SRPRA: variants seen among roughly 807,000 people sequenced by gnomAD.
SRPRA encodes signal recognition particle receptor subunit alpha.
In SRPRA, 30 loss-of-function variants were observed where a neutral mutation model predicts 61.1. That is an observed-to-expected ratio of 0.49 (90% CI 0.37 to 0.67). SRPRA has a LOEUF of 0.67. Ranked by LOEUF, SRPRA falls within the 30% of genes least tolerant of loss-of-function variation. SRPRA has a pLI of 0.00. For missense variants in SRPRA, 759 were observed against 828.4 expected (o/e 0.92, Z 1.03); for synonymous variants, 324 against 299.7 (o/e 1.08, Z -0.84).
At position 126,267,353 on chromosome 11, in the gene SRPRA, T is replaced by C. The variant is rs767061202; in HGVS notation, c.366-18A>G. ...CTGCTTCACTAAACAAAAAGGAGAATGGTTTATCTTTCTACCCCATGCAGA... is the reference window on the plus strand; with the variant it reads ...CTGCTTCACTAAACAAAAAGGAGAACGGTTTATCTTTCTACCCCATGCAGA... On this transcript the variant is annotated intron_variant, in intron 3 of 13. Transcript: ENST00000332118. This position sits in a 1 kb window ranked among gnomAD's most constrained non-coding sequence, Gnocchi z 4.2. 1.2e-6 allele frequency: 2 copies of C among 1,612,584 alleles called. No homozygotes were observed. The highest frequency in any genetic ancestry group is 1.7e-5 in the Admixed American group (1 of 59,692).
In SRPRA at chr11:126,268,877, C is replaced by A; in HGVS notation, c.-73G>T. 7.8e-7 allele frequency: 1 copy of A among 1,284,600 alleles called. No individual in the cohort carries two copies. Among genetic ancestry groups the A allele is most frequent in the Non-Finnish European group, 1.1e-6 (1 of 888,310 alleles). 79.6% of individuals were successfully genotyped at this position (1,284,600 alleles called of 1,614,324 possible). On this transcript the variant is annotated 5_prime_UTR_variant, in exon 1 of 14. Coordinates refer to ENST00000332118, the MANE Select transcript of SRPRA (RefSeq NM_003139.4). ...CGTTCGCCGCCGCTTCCTGCTGCGC[C>A]AAGCGCGGGACACGTCACACCAGTG...
At chr11:126,241,190 T>C in the SRPRA span, 3 of 842,704 alleles carry the variant, frequency 3.6e-6, no homozygotes, top group South Asian at 5.9e-5. Flanking sequence ...CATTTGACTC[T>C]TCTGCGCAAT....
the SRPRA span, chr11:126,256,949 A>C: frequency 7.7e-7 from 1 of 1,306,398 alleles, no homozygotes. This position sits in a 1 kb window ranked among gnomAD's most constrained non-coding sequence, Gnocchi z 6.6. Context: ...TGCCAAGATG[A>C]GGAATGTAAT....
downstream of SRPRA, among the ~76,000 whole-genome samples, chr11:126,257,982 T>C (rs1391070704): frequency 6.6e-6 from 1 of 152,196 alleles, no homozygotes; most frequent in Non-Finnish European, 1.5e-5. Flanking sequence ...AAACCTCACA[T>C]TGCCAGGCTC....
At chr11:126,238,960 T>C in the SRPRA span, among the ~76,000 whole-genome samples, 90 of 151,822 alleles carry the variant, frequency 5.9e-4, no homozygotes, top group African/African-American at 2.1e-3. Context: ...TGTTTTATTT[T>C]TAAGTGGAAG....
Position 126,266,929 on chromosome 11 carries a change from G to C in SRPRA, c.527-7C>G. The C allele has an allele frequency of 6.2e-7, 1 of 1,607,754 alleles. No homozygotes were observed. Reference sequence around the variant, plus strand: ...GCCAAAGGACCATCAGAACCTGTTGGGGAAAAAACTCACTGAAGAAAAAAG... The same window carrying C: ...GCCAAAGGACCATCAGAACCTGTTGCGGAAAAAACTCACTGAAGAAAAAAG... On this transcript the variant is annotated splice_polypyrimidine_tract_variant and splice_region_variant and intron_variant, in intron 4 of 13. Transcript: ENST00000332118.
chr11:126,236,801 C>T, the SRPRA span, among the ~76,000 whole-genome samples: 10 of 148,692 alleles, frequency 6.7e-5, no homozygotes, highest in South Asian at 4.3e-4. Context: ...TTAGCTTTCT[C>T]GGGGGTTCTC....
At chr11:126,268,136 G>A (rs750184303) in intron 1 of SRPRA, 50 bp from the exon 2 acceptor site, 2 of 1,557,332 alleles carry the variant, frequency 1.3e-6, no homozygotes, top group Non-Finnish European at 1.8e-6. Context: ...GAAAACCCAG[G>A]TTTGGGCCCT....
chr11:126,262,158 T>A (rs1950714878), downstream of SRPRA: 3 of 1,613,248 alleles, frequency 1.9e-6, no homozygotes, highest in African/African-American at 4.0e-5. Context: ...TCACCACCGT[T>A]TAGACCAAGC....
chr11:126,258,808 A>G (rs1950623663), downstream of SRPRA, among the ~76,000 whole-genome samples: 1 of 152,256 alleles, frequency 6.6e-6, no homozygotes, highest in African/African-American at 2.4e-5. Context: ...ATCCGTCTGC[A>G]TAACTGTTTC....
At chr11:126,256,920 A>T in the SRPRA span, 1 of 1,458,550 alleles carries the variant, frequency 6.9e-7, no homozygotes, top group Admixed American at 2.1e-5. The surrounding 1 kb of genome is among the most constrained non-coding windows in gnomAD (Gnocchi z 6.6). Flanking sequence ...TGTATTTGTG[A>T]TGTGATGGGC....
chr11:126,247,814 C>T, the SRPRA span, among the ~76,000 whole-genome samples: 8 of 148,802 alleles, frequency 5.4e-5, no homozygotes, highest in Middle Eastern at 3.4e-3. Flanking sequence ...GCTGAGACCA[C>T]GCCACTGCAC....
At chr11:126,268,626 A>T (rs1343250571) in intron 1 of SRPRA, 62 bp downstream of exon 1, 1 of 1,413,140 alleles carries the variant, frequency 7.1e-7, no homozygotes, top group Non-Finnish European at 1.0e-6. Context: ...ATAGAGTCGA[A>T]GGGGACCATG....
rs866315633 is a variant in SRPRA, at chr11:126,267,854, C to G, written c.202-142G>C. 7.2e-7 allele frequency: 1 copy of G among 1,395,910 alleles called. No homozygotes were observed. The highest frequency in any genetic ancestry group is 1.8e-4 in the Middle Eastern group (1 of 5,526). 86.5% of individuals were successfully genotyped at this position (1,395,910 alleles called of 1,614,324 possible). A position where few individuals can be genotyped will look rare whatever the true frequency, so the allele number is the denominator to read the frequency against. ...CCTGAGAGGCAGCCAAGCTCCCTGC[C>G]TGGGCCCAGTAGCTGCTGTTTTCCC... On this transcript the variant is annotated intron_variant, in intron 2 of 13. Coordinates refer to ENST00000332118, the MANE Select transcript of SRPRA (RefSeq NM_003139.4). This position sits in a 1 kb window ranked among gnomAD's most constrained non-coding sequence, Gnocchi z 4.2.
At position 126,264,107 on chromosome 11, in the gene SRPRA, C is replaced by A; in HGVS notation, c.1789-63G>T. ...CACTTTTCACTCACCCTCTCAGGAA[C>A]AGGAAGCGCTGGAGCCAAGATTTCC... On this transcript the variant is annotated intron_variant, in intron 13 of 13. Coordinates refer to ENST00000332118, the MANE Select transcript of SRPRA (RefSeq NM_003139.4). The surrounding 1 kb of genome is among the most constrained non-coding windows in gnomAD (Gnocchi z 5.0). 1 of 1,613,014 alleles carries A rather than the reference C, an allele frequency of 6.2e-7. No individual in the cohort carries two copies. Among genetic ancestry groups the A allele is most frequent in the Non-Finnish European group, 8.5e-7 (1 of 1,179,308 alleles).
chr11:126,239,968 A>T, the SRPRA span, among the ~76,000 whole-genome samples: 255 of 152,268 alleles, frequency 1.7e-3, no homozygotes, highest in African/African-American at 5.8e-3. Context: ...CCATTTTATT[A>T]TTTAGACAAA....
chr11:126,268,876 C>A lies in SRPRA; in HGVS notation c.-72G>T, dbSNP rs940469968. On this transcript the variant is annotated 5_prime_UTR_variant, in exon 1 of 14. Transcript: ENST00000332118. ...GCGTTCGCCGCCGCTTCCTGCTGCGCCAAGCGCGGGACACGTCACACCAGT... is the reference window on the plus strand; with the variant it reads ...GCGTTCGCCGCCGCTTCCTGCTGCGACAAGCGCGGGACACGTCACACCAGT... The A allele has an allele frequency of 7.7e-7, 1 of 1,302,488 alleles. No homozygotes were observed. Among genetic ancestry groups the A allele is most frequent in the Non-Finnish European group, 1.1e-6 (1 of 904,288 alleles). The allele number at this position is 1,302,488 out of a possible 1,614,324, so 80.7% of individuals were successfully genotyped here.
In SRPRA at chr11:126,264,089, C is replaced by T; in HGVS notation, c.1789-45G>A. 5 of 1,613,624 alleles carry T rather than the reference C, an allele frequency of 3.1e-6. No homozygotes were observed. Among genetic ancestry groups the T allele is most frequent in the Non-Finnish European group, 4.2e-6 (5 of 1,179,674 alleles). ...AGCCCATCAACACAAGCCCACTTTT[C>T]ACTCACCCTCTCAGGAACAGGAAGC... On this transcript the variant is annotated intron_variant, in intron 13 of 13. Coordinates refer to ENST00000332118, the MANE Select transcript of SRPRA (RefSeq NM_003139.4). This position sits in a 1 kb window ranked among gnomAD's most constrained non-coding sequence, Gnocchi z 5.0.
chr11:126,237,434 C>T, the SRPRA span, among the ~76,000 whole-genome samples: 5 of 146,032 alleles, frequency 3.4e-5, no homozygotes, highest in African/African-American at 7.4e-5. Context: ...GACAGGTTTT[C>T]ACCATGTTGA....
Sources: gnomAD v4.1 joint callset for allele counts (sites outside exome capture counted in the v4.1 genomes callset) on GRCh38, gnomAD v4.1.1 for gene constraint, Gnocchi (gnomAD v3.1) non-coding constraint, MANE v1.5 for transcripts, NCBI Gene and HGNC (gene_info 2026-07-23, HGNC 2026-07-21) for gene names.